The following FREM2 variants were observed in gnomAD, a reference collection of about 807,000 sequenced individuals.
FREM2 encodes FRAS1 related extracellular matrix 2.
Under a neutral mutation model 219.9 loss-of-function variants are expected in FREM2, and 119 were observed. The observed-to-expected ratio is 0.54, with a 90% CI of 0.47 to 0.63. The LOEUF is 0.63. Among genes scored for constraint, FREM2 ranks in the 30% least tolerant of loss-of-function variants. FREM2 has a pLI of 0.00. For synonymous variants in FREM2, 1,562 were observed against 1,522.8 expected (o/e 1.03, Z -0.60); for missense variants, 4,030 against 3,993.6 (o/e 1.01, Z -0.25).
chr13:38,690,660 ATAGT>A lies in FREM2; in HGVS notation c.3319_3322del (p.Val1107PhefsTer26). On this transcript the variant is annotated frameshift_variant, in exon 1 of 24. Transcript: ENST00000280481. LOFTEE classifies it high-confidence loss of function. Reference sequence around the variant, plus strand: ...CCTGAATGATGACATCTTGTGCACTATAGTTATTCAGCCTACTTCAGGTTATGTT... The same window carrying A: ...CCTGAATGATGACATCTTGTGCACTATATTCAGCCTACTTCAGGTTATGTT... 1 of 1,613,930 alleles carries A rather than the reference ATAGT, an allele frequency of 6.2e-7. No individual in the cohort carries two copies. The highest frequency in any genetic ancestry group is 1.1e-5 in the South Asian group (1 of 91,084).
At chr13:38,843,037 T>C (rs1168832718) in intron 6 of FREM2, among the ~76,000 whole-genome samples, 1 of 152,210 alleles carries the variant, frequency 6.6e-6, no homozygotes, top group Non-Finnish European at 1.5e-5. Flanking sequence ...GCTTCCCTTA[T>C]GAATTTCACC....
intron 2 of FREM2, among the ~76,000 whole-genome samples, chr13:38,757,841 G>A (rs556180131): frequency 1.3e-5 from 2 of 152,062 alleles, no homozygotes; most frequent in South Asian, 4.2e-4. Flanking sequence ...GCCTTCCTAG[G>A]CCTCCCAAAG....
chr13:38,688,079 G>T lies in FREM2; in HGVS notation c.735G>T (p.Glu245Asp), dbSNP rs1361471907. Residue 245 changes from glutamate (E) to aspartate (D), a missense_variant, in exon 1 of 24, where the codon GAG (glutamate) becomes GAT (aspartate). Glu to Asp is a conservative substitution (Grantham distance 45). Transcript: ENST00000280481. The part of the protein sequence containing the change: ...HYPQVPGGAR[E>D]GGAPETLLMD... ...CGCAGGTCCCTGGAGGAGCCAGAGA[G>T]GGAGGCGCCCCGGAGACTCTCCTGA... 1 of 1,608,992 alleles carries T rather than the reference G, an allele frequency of 6.2e-7. No individual in the cohort carries two copies.
intron 2 of FREM2, among the ~76,000 whole-genome samples, chr13:38,716,909 C>T (rs912731391): frequency 1.2e-4 from 18 of 152,188 alleles, no homozygotes; most frequent in African/African-American, 4.3e-4. Context: ...GTGAGATGTC[C>T]TTTTTATTTT....
At chr13:38,710,883 A>T (rs1870744554) in intron 2 of FREM2, among the ~76,000 whole-genome samples, 2 of 152,268 alleles carry the variant, frequency 1.3e-5, no homozygotes, top group Non-Finnish European at 2.9e-5. Flanking sequence ...TCAAGAACAC[A>T]TAGGTGTATA....
At chr13:38,703,520 C>T (rs7991794) in intron 2 of FREM2, among the ~76,000 whole-genome samples, 3,182 of 152,186 alleles carry the variant, frequency 0.021, 101 homozygotes, top group African/African-American at 0.071. Flanking sequence ...GCCTTTCACT[C>T]TTCATTGAGC....
At chr13:38,809,547 A>C (rs1020161226) in intron 6 of FREM2, among the ~76,000 whole-genome samples, 1 of 152,052 alleles carries the variant, frequency 6.6e-6, no homozygotes, top group Non-Finnish European at 1.5e-5. Flanking sequence ...CTGCATATGA[A>C]TATTCAGTTT....
At chr13:38,751,883 TG>T (rs1566128462) in intron 2 of FREM2, among the ~76,000 whole-genome samples, 5 of 150,674 alleles carry the variant, frequency 3.3e-5, no homozygotes, top group African/African-American at 7.3e-5. Flanking sequence ...TGTGTGTGTG[TG>T]TGTGTGTGTG....
intron 2 of FREM2, among the ~76,000 whole-genome samples, chr13:38,727,870 A>G (rs2138116285): frequency 6.6e-6 from 1 of 152,326 alleles, no homozygotes; most frequent in African/African-American, 2.4e-5. Flanking sequence ...GAACCATAGA[A>G]TGAATTACAT....
intron 4 of FREM2, among the ~76,000 whole-genome samples, chr13:38,770,107 A>G (rs1457033744): frequency 1.4e-5 from 2 of 147,764 alleles, no homozygotes; most frequent in African/African-American, 4.9e-5. Context: ...AGCTAGTACA[A>G]TTTTCATATT....
chr13:38,846,737 A>G lies in FREM2; in HGVS notation c.6169+15A>G. On this transcript the variant is annotated intron_variant, in intron 7 of 23. Transcript: ENST00000280481. ...CTCTGCAGATGGTGAGCAGTTTCCC[A>G]CTCGGCTCTTTTGATTGTTCTGCAA... 11 of 1,613,362 alleles carry G rather than the reference A, an allele frequency of 6.8e-6. No homozygotes were observed. The highest frequency in any genetic ancestry group is 2.7e-5 in the African/African-American group (2 of 74,978).
At chr13:38,845,898 C>A (rs2137905896) in intron 6 of FREM2, among the ~76,000 whole-genome samples, 1 of 152,200 alleles carries the variant, frequency 6.6e-6, no homozygotes, top group Admixed American at 6.5e-5. Flanking sequence ...CTGAATTTGC[C>A]TCATTTTCAT....
At chr13:38,777,127 ATATAT>A (rs745920883) in intron 4 of FREM2, among the ~76,000 whole-genome samples, 1 of 152,026 alleles carries the variant, frequency 6.6e-6, no homozygotes, top group Admixed American at 6.6e-5. Context: ...CATATTGTAC[ATATAT>A]TATAAAAGTA....
intron 2 of FREM2, among the ~76,000 whole-genome samples, chr13:38,754,880 G>GATT (rs1872919474): frequency 1.2e-5 from 1 of 82,608 alleles, no homozygotes; most frequent in South Asian, 4.3e-4. Context: ...TGATGATGAT[G>GATT]ATGATGATGA....
chr13:38,762,909 A>T (rs1873287119), intron 2 of FREM2, among the ~76,000 whole-genome samples: 1 of 152,170 alleles, frequency 6.6e-6, no homozygotes, highest in Non-Finnish European at 1.5e-5. Flanking sequence ...TGTTCCAACA[A>T]CAATTTCATA....
At chr13:38,841,294 G>A (rs899109294) in intron 6 of FREM2, among the ~76,000 whole-genome samples, 5 of 152,162 alleles carry the variant, frequency 3.3e-5, no homozygotes, top group African/African-American at 1.2e-4. Context: ...TGCCTGTCAA[G>A]ATTTTTAAAA....
At chr13:38,702,335 A>G (rs1870375547) in intron 2 of FREM2, among the ~76,000 whole-genome samples, 1 of 152,160 alleles carries the variant, frequency 6.6e-6, no homozygotes, top group Non-Finnish European at 1.5e-5. Context: ...TTAAAGAATT[A>G]TACAATTTAA....
intron 6 of FREM2, among the ~76,000 whole-genome samples, chr13:38,792,536 A>G (rs1020737642): frequency 1.4e-4 from 22 of 152,172 alleles, no homozygotes; most frequent in Non-Finnish European, 1.9e-4. Flanking sequence ...ATATGTTGTT[A>G]TAATTATTCT....
At chr13:38,733,980 T>G (rs2137770947) in intron 2 of FREM2, among the ~76,000 whole-genome samples, 1 of 152,294 alleles carries the variant, frequency 6.6e-6, no homozygotes, top group South Asian at 2.1e-4. Context: ...AAAAAATAGT[T>G]CACTTAAACA....
Sources: gnomAD v4.1 joint callset for allele counts (sites outside exome capture counted in the v4.1 genomes callset) on GRCh38, gnomAD v4.1.1 for gene constraint, MANE v1.5 for transcripts, NCBI Gene and HGNC (gene_info 2026-07-23, HGNC 2026-07-21) for gene names.